The following DPP6 variants were observed in gnomAD, a reference collection of about 807,000 sequenced individuals.
DPP6 encodes the protein A-type potassium channel modulatory protein DPP6.
A neutral mutation model predicts 122.6 loss-of-function variants in DPP6; 69 were observed. The observed-to-expected ratio is 0.56, with a 90% CI of 0.46 to 0.69. The LOEUF (loss-of-function observed/expected upper bound fraction) is 0.69. DPP6 is among the 30% of genes least tolerant of loss of function. The pLI, the probability that DPP6 is intolerant of heterozygous loss-of-function variation, is 0.00. For synonymous variants in DPP6, 418 were observed against 433.1 expected (o/e 0.97, Z 0.43); for missense variants, 928 against 1,116.9 (o/e 0.83, Z 2.41).
At chr7:154,103,290 A>G (rs1585383035) in intron 1 of DPP6, among the ~76,000 whole-genome samples, 1 of 152,214 alleles carries the variant, frequency 6.6e-6, no homozygotes, top group Non-Finnish European at 1.5e-5. Context: ...CGTCAGCCAT[A>G]CTGATGGCAT....
intron 1 of DPP6, among the ~76,000 whole-genome samples, chr7:153,904,159 C>G (rs1799750191): frequency 6.6e-6 from 1 of 152,194 alleles, no homozygotes; most frequent in Non-Finnish European, 1.5e-5. Flanking sequence ...TCAAGCAATT[C>G]TCCTGCCTCA....
the DPP6 span, among the ~76,000 whole-genome samples, chr7:153,832,358 C>A: frequency 6.6e-6 from 1 of 152,334 alleles, no homozygotes. Context: ...TGTCATCATG[C>A]CTCATGTGTT....
At chr7:154,341,158 A>G (rs1413292696) in intron 1 of DPP6, among the ~76,000 whole-genome samples, 1 of 152,224 alleles carries the variant, frequency 6.6e-6, no homozygotes, top group Non-Finnish European at 1.5e-5. Context: ...TTTGGCATTT[A>G]GAAAACATCA....
chr7:154,540,535 C>G lies in DPP6; in HGVS notation c.461C>G (p.Thr154Arg). 6.3e-7 allele frequency: 1 copy of G among 1,595,978 alleles called. No homozygotes were observed. The highest frequency in any genetic ancestry group is 8.6e-7 in the Non-Finnish European group (1 of 1,166,222). The change falls in exon 4 of 26, where the codon ACA becomes AGA. Residue 154 changes from threonine (T) to arginine (R), a missense_variant. By Grantham distance (71) the Thr-to-Arg change is moderately conservative (BLOSUM62 -1). Coordinates refer to ENST00000377770, the MANE Select transcript of DPP6 (RefSeq NM_130797.4). Reference protein sequence around the residue: ...HDPEAKWISDTEFIYREQKGT... With the variant: ...HDPEAKWISDREFIYREQKGT... ...TTTTCTACTTCCTCTCTTACAGATA[C>G]AGAATTCATCTACAGAGAACAGAAA...
At chr7:154,240,173 A>T (rs1012245393) in intron 1 of DPP6, among the ~76,000 whole-genome samples, 3 of 152,142 alleles carry the variant, frequency 2.0e-5, no homozygotes, top group Non-Finnish European at 4.4e-5. Flanking sequence ...TGTAGGTTTT[A>T]AGGAAAAGGA....
intron 8 of DPP6, among the ~76,000 whole-genome samples, chr7:154,768,697 C>T (rs1725233788): frequency 1.3e-5 from 2 of 152,170 alleles, no homozygotes; most frequent in African/African-American, 4.8e-5. Flanking sequence ...AAACACTAAC[C>T]AGGACACTGA....
the DPP6 span, among the ~76,000 whole-genome samples, chr7:153,814,714 A>C: frequency 6.6e-6 from 1 of 152,204 alleles, no homozygotes; most frequent in Non-Finnish European, 1.5e-5. Context: ...CCTCAATAAA[A>C]TACTGGCAAA....
At chr7:154,303,364 A>G (rs7786259) in intron 1 of DPP6, among the ~76,000 whole-genome samples, 79,686 of 151,960 alleles carry the variant, frequency 0.52, 22,923 homozygotes, top group African/African-American at 0.78. Flanking sequence ...CTGTTTACTC[A>G]GCTGCTGGGG....
chr7:154,840,891 G>A (rs1801473506), intron 16 of DPP6, among the ~76,000 whole-genome samples: 1 of 152,158 alleles, frequency 6.6e-6, no homozygotes, highest in Non-Finnish European at 1.5e-5. Context: ...TGCACCACCC[G>A]CGAGTTATCC....
intron 17 of DPP6, 104 bp downstream of exon 17, chr7:154,853,931 G>A (rs1802609617): frequency 1.0e-5 from 15 of 1,467,342 alleles, no homozygotes; most frequent in South Asian, 4.7e-5. Flanking sequence ...CAGAGACAGA[G>A]GGATGAGTCA....
intron 1 of DPP6, among the ~76,000 whole-genome samples, chr7:154,335,059 C>T (rs1563499265): frequency 1.2e-5 from 1 of 84,690 alleles, no homozygotes; most frequent in Non-Finnish European, 2.2e-5. Context: ...TCAGTTTTTT[C>T]AATGCTTAAG....
intron 3 of DPP6, among the ~76,000 whole-genome samples, chr7:154,535,142 A>T (rs1234183130): frequency 1.3e-5 from 2 of 152,168 alleles, no homozygotes; most frequent in Non-Finnish European, 2.9e-5. Context: ...TCAACAACGT[A>T]CTGGAATAAC....
intron 1 of DPP6, among the ~76,000 whole-genome samples, chr7:154,169,880 G>A (rs186954205): frequency 6.6e-5 from 10 of 152,200 alleles, no homozygotes; most frequent in South Asian, 2.1e-4. Flanking sequence ...ATAGGCACGC[G>A]CTATCATGCC....
At chr7:154,154,731 AATGT>A (rs1282974834) in intron 1 of DPP6, among the ~76,000 whole-genome samples, 2 of 152,224 alleles carry the variant, frequency 1.3e-5, no homozygotes, top group African/African-American at 2.4e-5. Flanking sequence ...ATGGCCATAG[AATGT>A]ATGAGATTTC....
chr7:153,766,848 C>T, the DPP6 span, among the ~76,000 whole-genome samples: 1 of 152,076 alleles, frequency 6.6e-6, no homozygotes. Flanking sequence ...CTGGCTCACA[C>T]ATTTTAGTGA....
chr7:154,404,128 T>A (rs1815874050), intron 1 of DPP6, among the ~76,000 whole-genome samples: 1 of 152,198 alleles, frequency 6.6e-6, no homozygotes. Flanking sequence ...GACTTGGAAG[T>A]GATGGGTGAC....
At chr7:154,263,685 A>T (rs537329387) in intron 1 of DPP6, among the ~76,000 whole-genome samples, 227 of 151,862 alleles carry the variant, frequency 1.5e-3, no homozygotes, top group African/African-American at 4.6e-3. Flanking sequence ...TCTTTTTATT[A>T]TTATTATTAT....
At chr7:153,801,095 A>G in the DPP6 span, among the ~76,000 whole-genome samples, 1 of 150,796 alleles carries the variant, frequency 6.6e-6, no homozygotes, top group African/African-American at 2.4e-5. Flanking sequence ...TCAGTGGCCA[A>G]TGGCACAGAA....
chr7:153,845,619 G>A, the DPP6 span, among the ~76,000 whole-genome samples: 22 of 151,684 alleles, frequency 1.5e-4, no homozygotes, highest in Middle Eastern at 3.5e-3. Flanking sequence ...TTCTATTTTT[G>A]TGCTTTTCAT....
Sources: allele counts gnomAD v4.1 joint callset (sites outside exome capture counted in the v4.1 genomes callset), GRCh38; gene constraint gnomAD v4.1.1; transcripts MANE v1.5; gene names NCBI Gene and HGNC (gene_info 2026-07-23, HGNC 2026-07-21).